Variants in STON1 observed in about 807,000 individuals in gnomAD.
STON1 encodes stonin 1.
In STON1, 79 loss-of-function variants were observed where a neutral mutation model predicts 60.9. The ratio of observed to expected loss-of-function variants is 1.30; its 90% confidence interval spans 1.08 to 1.56. The LOEUF is 1.56. STON1 is among the 40% of genes most tolerant of loss of function. The probability of loss-of-function intolerance (pLI) is 0.00; values close to 1 mark genes in which losing one functional copy is unlikely to be tolerated. For synonymous variants in STON1, 363 were observed against 306.9 expected, an observed-to-expected ratio of 1.18 and a Z score of -1.91; for missense variants, 1,166 against 858.9, an observed-to-expected ratio of 1.36 and a Z score of -4.47.
intron 1 of STON1, among the ~76,000 whole-genome samples, chr2:48,564,460 TCTTCTTCTTCTTCTTCTTC>T (rs1672765559): frequency 1.8e-5 from 1 of 54,952 alleles, no homozygotes; most frequent in Non-Finnish European, 3.9e-5. Flanking sequence ...TTCTTCTTCT[TCTTCTTCTTCTTCTTCTTC>T]TTTCTTCTTC....
intron 1 of STON1, chr2:48,531,191 C>T (rs1466315294): frequency 6.6e-6 from 1 of 152,172 alleles, no homozygotes; most frequent in Non-Finnish European, 1.5e-5. Flanking sequence ...CTCCTCCAGG[C>T]TAGAAGTTTT....
intron 1 of STON1, among the ~76,000 whole-genome samples, chr2:48,554,728 T>TTTTTGTG (rs1558589137): frequency 4.3e-4 from 51 of 117,466 alleles, no homozygotes; most frequent in East Asian, 9.8e-4. Flanking sequence ...TTTTTTTTAT[T>TTTTTGTG]TATTTATTTA....
At chr2:48,564,510 C>T (rs1345160663) in intron 1 of STON1, among the ~76,000 whole-genome samples, 1 of 30,394 alleles carries the variant, frequency 3.3e-5, no homozygotes, top group Admixed American at 3.7e-4. Flanking sequence ...TCTTCTTCTT[C>T]TTCTTCTTCT....
intron 2 of STON1, among the ~76,000 whole-genome samples, chr2:48,585,069 T>C (rs759978680): frequency 1.3e-5 from 2 of 152,120 alleles, no homozygotes; most frequent in Non-Finnish European, 2.9e-5. Context: ...AGATTAATTA[T>C]GTTCAGTTCC....
chr2:48,576,197 T>TTTC (rs1673490272), intron 1 of STON1, among the ~76,000 whole-genome samples: 5 of 126,248 alleles, frequency 4.0e-5, no homozygotes, highest in Admixed American at 1.6e-4. Flanking sequence ...TTTTTTTTTT[T>TTTC]TTTTTTTTTT....
At chr2:48,554,028 G>T (rs1189834370) in intron 1 of STON1, among the ~76,000 whole-genome samples, 1 of 152,156 alleles carries the variant, frequency 6.6e-6, no homozygotes, top group Admixed American at 6.5e-5. Context: ...GATGGGTGTG[G>T]GGAGAGAGCA....
chr2:48,557,442 C>G lies in STON1; in HGVS notation c.-47-23145C>G, dbSNP rs1672426193. On this transcript the variant is annotated intron_variant, in intron 1 of 3. Transcript: ENST00000404752. ...GGCGGCCGGGCAGAGACGCTCCTCA[C>G]TTTCCAGACTGGGCAGCCAGGCAGA... Among the ~76,000 whole-genome samples the G allele has an allele frequency of 2.8e-5, 3 of 107,742 alleles. 1 individual carries two copies. The highest frequency in any genetic ancestry group is 4.1e-5 in the Non-Finnish European group (2 of 48,370). 70.7% of individuals were successfully genotyped at this position (107,742 alleles called of 152,430 possible). A position where few individuals can be genotyped will look rare whatever the true frequency, so the allele number is the denominator to read the frequency against.
chr2:48,581,106 A>G lies in STON1; in HGVS notation c.473A>G (p.Gln158Arg), dbSNP rs1673854328. ...GGTCTTCCAGATGAAGTTAATCCTC[A>G]ACAGGCTGAAAGCCTAGGATTCCAA... is the stretch of plus-strand genomic sequence containing the variant. ...KVGLPDEVNP[Q>R]QAESLGFQSD... Residue 158 changes from glutamine to arginine, a missense_variant, in exon 2 of 4, where the codon CAA (glutamine) becomes CGA (arginine). Physicochemically the swap from Gln to Arg is conservative, Grantham distance 43 (BLOSUM62 1). Coordinates refer to ENST00000404752, the MANE Select transcript of STON1 (RefSeq NM_006873.4). 2 of 1,600,856 alleles carry G rather than the reference A, an allele frequency of 1.2e-6. No homozygotes were observed. The highest frequency in any genetic ancestry group is 1.1e-5 in the South Asian group (1 of 87,958).
chr2:48,557,178 CG>C (rs1252521274), intron 1 of STON1, among the ~76,000 whole-genome samples: 4 of 85,288 alleles, frequency 4.7e-5, no homozygotes, highest in Non-Finnish European at 9.7e-5. Flanking sequence ...ACTTCTCAGA[CG>C]GGGCAGCTGC....
Position 48,580,830 on chromosome 2 carries a change from T to G in STON1, c.197T>G (p.Ile66Ser), listed in dbSNP as rs1202185492. The change falls in exon 2 of 4, where the codon ATT becomes AGT. Residue 66 changes from isoleucine (I) to serine (S), a missense_variant. Ile to Ser is a moderately radical substitution (Grantham distance 142). Coordinates refer to ENST00000404752, the MANE Select transcript of STON1 (RefSeq NM_006873.4). ...STSSTPLSSP[I>S]VDFYFSPGPP... ...AGCAGCACTCCTCTCTCCTCCCCCATTGTAGATTTTTATTTCAGTCCAGGA... is the reference window on the plus strand; with the variant it reads ...AGCAGCACTCCTCTCTCCTCCCCCAGTGTAGATTTTTATTTCAGTCCAGGA... The G allele has an allele frequency of 1.3e-6, 2 of 1,547,350 alleles. No homozygotes were observed. Among genetic ancestry groups the G allele is most frequent in the East Asian group, 4.6e-5 (2 of 43,548 alleles).
chr2:48,533,371 C>T (rs568417998), intron 1 of STON1, among the ~76,000 whole-genome samples: 1 of 151,200 alleles, frequency 6.6e-6, no homozygotes, highest in Admixed American at 6.6e-5. Context: ...CAGAGCGAGA[C>T]TCCGTCTCAG....
intron 1 of STON1, among the ~76,000 whole-genome samples, chr2:48,567,816 G>A (rs989920599): frequency 1.3e-5 from 2 of 151,830 alleles, no homozygotes; most frequent in Non-Finnish European, 2.9e-5. Flanking sequence ...ATATACAGTT[G>A]TTTCTGGAAT....
intron 1 of STON1, chr2:48,531,089 A>G (rs1671192301): frequency 6.6e-6 from 1 of 152,222 alleles, no homozygotes; most frequent in Non-Finnish European, 1.5e-5. Context: ...AAAAATACTC[A>G]TTTTTGACTT....
intron 1 of STON1, among the ~76,000 whole-genome samples, chr2:48,577,684 T>G (rs1260002495): frequency 6.6e-6 from 1 of 151,608 alleles, no homozygotes. Context: ...GGCACAATCT[T>G]GACTCACTGC....
chr2:48,547,037 A>G (rs1671889971), intron 1 of STON1, among the ~76,000 whole-genome samples: 1 of 152,198 alleles, frequency 6.6e-6, no homozygotes, highest in Non-Finnish European at 1.5e-5. Flanking sequence ...ACATCCACAC[A>G]AACTATGGAA....
Position 48,581,321 on chromosome 2 carries a change from T to C in STON1, c.688T>C (p.Cys230Arg), listed in dbSNP as rs1307405373. Residue 230 changes from cysteine to arginine, a missense_variant, in exon 2 of 4, where the codon TGT becomes CGT. By Grantham distance (180) the Cys-to-Arg change is radical. Transcript: ENST00000404752. ...AAATAAGTGTTCACTCAACTATATCTGTGAGAAGCTTGAACATCTCCAGTC... is the reference window on the plus strand; with the variant it reads ...AAATAAGTGTTCACTCAACTATATCCGTGAGAAGCTTGAACATCTCCAGTC... The part of the protein sequence containing the change: ...SLNKCSLNYI[C>R]EKLEHLQSAE... The C allele has an allele frequency of 1.3e-6, 2 of 1,532,272 alleles. No individual in the cohort carries two copies. The highest frequency in any genetic ancestry group is 1.7e-6 in the Non-Finnish European group (2 of 1,143,380). The allele number at this position is 1,532,272 out of a possible 1,614,324, so 94.9% of individuals were successfully genotyped here.
chr2:48,539,045 G>C (rs1671549134), intron 1 of STON1, among the ~76,000 whole-genome samples: 1 of 151,928 alleles, frequency 6.6e-6, no homozygotes, highest in Admixed American at 6.6e-5. Context: ...AGCCTCCCTA[G>C]TAGCTGAGAC....
chr2:48,542,565 C>G (rs182791985), intron 1 of STON1, among the ~76,000 whole-genome samples: 89 of 152,296 alleles, frequency 5.8e-4, no homozygotes, highest in African/African-American at 2.0e-3. Context: ...CTCCCATTAT[C>G]TCCACTCTCC....
At chr2:48,588,923 G>A (rs958186138) in intron 2 of STON1, among the ~76,000 whole-genome samples, 7 of 152,098 alleles carry the variant, frequency 4.6e-5, no homozygotes, top group Admixed American at 1.3e-4. Context: ...TCATACTAAG[G>A]TGTGAATGAC....
Sources: gnomAD v4.1 joint callset for allele counts (sites outside exome capture counted in the v4.1 genomes callset) on GRCh38, gnomAD v4.1.1 for gene constraint, MANE v1.5 for transcripts, NCBI Gene and HGNC (gene_info 2026-07-23, HGNC 2026-07-21) for gene names.